The following CNKSR2 variants were observed in gnomAD, a reference collection of about 807,000 sequenced individuals.
CNKSR2 encodes connector enhancer of kinase suppressor of Ras 2.
In CNKSR2, 14 loss-of-function variants were observed where a neutral mutation model predicts 84.4. The ratio of observed to expected loss-of-function variants is 0.17; its 90% confidence interval spans 0.11 to 0.26. The LOEUF (loss-of-function observed/expected upper bound fraction) is 0.26. Among genes scored for constraint, CNKSR2 ranks in the 10% least tolerant of loss-of-function variants. CNKSR2 has a pLI of 1.00. For missense variants in CNKSR2, 485 were observed against 771.2 expected (o/e 0.63, Z 4.40); for synonymous variants, 275 against 277.9 (o/e 0.99, Z 0.10).
chrX:21,439,967 A>G (rs2090762681), intron 3 of CNKSR2, among the ~76,000 whole-genome samples: 1 of 110,268 alleles, frequency 9.1e-6, no homozygotes, highest in Non-Finnish European at 1.9e-5. Context: ...AAAACTACAG[A>G]CCAATATTTC....
chrX:21,590,260 C>T (rs1167447067), intron 13 of CNKSR2, among the ~76,000 whole-genome samples: 1 of 111,671 alleles, frequency 9.0e-6, no homozygotes, highest in African/African-American at 3.3e-5. Context: ...TCTGGCAAAC[C>T]ACAATATACC....
At chrX:21,590,719 G>C (rs1474851700) in intron 14 of CNKSR2, 99 bp downstream of exon 14, 4 of 867,142 alleles carry the variant, frequency 4.6e-6, no homozygotes, top group Non-Finnish European at 6.5e-6. Context: ...GCCCAGTGTG[G>C]TTTAGAAGAG....
At chrX:21,396,944 G>A (rs1048624410) in intron 1 of CNKSR2, among the ~76,000 whole-genome samples, 4 of 111,786 alleles carry the variant, frequency 3.6e-5, no homozygotes, top group African/African-American at 1.3e-4. Flanking sequence ...GTTAGAACAC[G>A]TCTTTATTAA....
At chrX:21,599,488 C>T (rs1403798606) in intron 17 of CNKSR2, among the ~76,000 whole-genome samples, 1 of 109,355 alleles carries the variant, frequency 9.1e-6, no homozygotes, top group Non-Finnish European at 1.9e-5. Flanking sequence ...GCCTCAGCCT[C>T]CCGAGTAGCT....
At chrX:21,555,511 G>C (rs1189009023) in intron 11 of CNKSR2, among the ~76,000 whole-genome samples, 1 of 111,100 alleles carries the variant, frequency 9.0e-6, no homozygotes, top group African/African-American at 3.3e-5. Context: ...CTCTTTAAAT[G>C]TGTGATTCTC....
chrX:21,592,547 C>G (rs986154697), intron 15 of CNKSR2: 1 of 111,634 alleles, frequency 9.0e-6, no homozygotes, highest in Admixed American at 9.5e-5. Context: ...CACCACTGCA[C>G]TCAGAGCAAG....
intron 1 of CNKSR2, among the ~76,000 whole-genome samples, chrX:21,409,473 C>A (rs1199427076): frequency 9.3e-6 from 1 of 107,869 alleles, no homozygotes; most frequent in East Asian, 2.9e-4. Flanking sequence ...TTACAACTGA[C>A]ATCTTCCAGT....
In CNKSR2 at chrX:21,455,255, G is replaced by A. The variant is rs149377758; in HGVS notation, c.519+14474G>A. Reference sequence around the variant, plus strand: ...TACTACTTTCTGAGTTTTTGGCATCGATAATGTTCTAGGTTTTTATAGTGA... The same window carrying A: ...TACTACTTTCTGAGTTTTTGGCATCAATAATGTTCTAGGTTTTTATAGTGA... On this transcript the variant is annotated intron_variant, in intron 4 of 21. Transcript: ENST00000379510. Among the ~76,000 whole-genome samples, 476 of 111,560 alleles carry A rather than the reference G, an allele frequency of 4.3e-3. 3 individuals are homozygous for A. Among genetic ancestry groups the A allele is most frequent in the African/African-American group, 0.014 (420 of 30,843 alleles).
intron 18 of CNKSR2, among the ~76,000 whole-genome samples, chrX:21,605,657 T>A (rs902110259): frequency 8.9e-6 from 1 of 112,064 alleles, no homozygotes; most frequent in Admixed American, 9.5e-5. Flanking sequence ...CTATTTGATA[T>A]GTAGTAATTT....
At chrX:21,633,733 T>C (rs955591557) in intron 20 of CNKSR2, among the ~76,000 whole-genome samples, 3 of 112,431 alleles carry the variant, frequency 2.7e-5, no homozygotes, top group South Asian at 3.7e-4. Context: ...CATAAGAACA[T>C]TGAGAGTCAG....
chrX:21,464,261 C>T (rs1316744065), intron 4 of CNKSR2, among the ~76,000 whole-genome samples: 3 of 111,906 alleles, frequency 2.7e-5, no homozygotes, highest in African/African-American at 6.5e-5. Context: ...GAGTTTAATG[C>T]CTCAGAATTA....
chrX:21,510,232 A>G, intron 8 of CNKSR2, among the ~76,000 whole-genome samples: 1 of 111,650 alleles, frequency 9.0e-6, no homozygotes, highest in East Asian at 2.8e-4. Flanking sequence ...AATGTTGATA[A>G]TGAATCTGTT....
At chrX:21,457,698 G>T (rs919931587) in intron 4 of CNKSR2, among the ~76,000 whole-genome samples, 1 of 111,411 alleles carries the variant, frequency 9.0e-6, no homozygotes, top group African/African-American at 3.3e-5. Context: ...TACAGTTGTG[G>T]GTATGGAGAC....
intron 6 of CNKSR2, chrX:21,494,533 AG>A (rs1230080144): frequency 8.9e-6 from 1 of 111,975 alleles, no homozygotes; most frequent in Non-Finnish European, 1.9e-5. Flanking sequence ...GATTCAGGGC[AG>A]GCTGCTCCTG....
intron 13 of CNKSR2, among the ~76,000 whole-genome samples, chrX:21,586,743 T>C (rs1012361727): frequency 2.7e-5 from 3 of 111,212 alleles, no homozygotes; most frequent in African/African-American, 9.8e-5. Flanking sequence ...ACACTGGAAA[T>C]GTAAAATATA....
intron 1 of CNKSR2, 89 bp downstream of exon 1, chrX:21,375,050 C>A: frequency 2.5e-6 from 2 of 786,098 alleles, no homozygotes; most frequent in East Asian, 6.4e-5. Context: ...CGCCAGAGCC[C>A]GCCACCGCGG....
At chrX:21,618,620 T>G (rs1165773901) in intron 20 of CNKSR2, among the ~76,000 whole-genome samples, 1 of 112,171 alleles carries the variant, frequency 8.9e-6, no homozygotes, top group Admixed American at 9.5e-5. Flanking sequence ...TGTAAATCAC[T>G]GATTGACTTC....
chrX:21,495,744 C>G (rs1238665184), intron 6 of CNKSR2: 1 of 83,921 alleles, frequency 1.2e-5, no homozygotes, highest in Non-Finnish European at 2.2e-5. Flanking sequence ...GATTCTGCCA[C>G]TGCACTCCAG....
chrX:21,511,878 A>G (rs1478145126), intron 8 of CNKSR2, among the ~76,000 whole-genome samples: 2 of 110,829 alleles, frequency 1.8e-5, no homozygotes, highest in Admixed American at 9.6e-5. Context: ...CTCAACCTCC[A>G]CATCTTCTTC....
Sources: gnomAD v4.1 joint callset for allele counts (sites outside exome capture counted in the v4.1 genomes callset) on GRCh38, gnomAD v4.1.1 for gene constraint, MANE v1.5 for transcripts, NCBI Gene and HGNC (gene_info 2026-07-23, HGNC 2026-07-21) for gene names.